The following NUDT3 variants were observed in gnomAD, a reference collection of about 807,000 sequenced individuals.
The protein encoded by NUDT3 is diphosphoinositol polyphosphate phosphohydrolase 1.
In NUDT3, 9 loss-of-function variants were observed where a neutral mutation model predicts 23.6. The ratio of observed to expected loss-of-function variants is 0.38; its 90% CI spans 0.23 to 0.66. NUDT3 has a LOEUF of 0.66. NUDT3 is among the 30% of genes least tolerant of loss of function. NUDT3 has a pLI of 0.52. For synonymous variants in NUDT3, 86 were observed against 82.6 expected (o/e 1.04, Z -0.22); for missense variants, 172 against 218.5 (o/e 0.79, Z 1.34).
intron 1 of NUDT3, among the ~76,000 whole-genome samples, chr6:34,380,298 C>T (rs1764992487): frequency 6.6e-6 from 1 of 151,926 alleles, no homozygotes; most frequent in Non-Finnish European, 1.5e-5. Flanking sequence ...GTGATCCACC[C>T]TCCTCGGCCT....
At chr6:34,327,801 C>G (rs983319941) in intron 2 of NUDT3, among the ~76,000 whole-genome samples, 3 of 152,104 alleles carry the variant, frequency 2.0e-5, no homozygotes, top group African/African-American at 7.2e-5. Context: ...CTTCCTTTCA[C>G]AGTCTGCTAA....
rs541403446 is a variant in NUDT3, at chr6:34,345,805, G to A, written c.100-3833C>T. Among the ~76,000 whole-genome samples, 8 of 151,736 alleles carry A rather than the reference G, an allele frequency of 5.3e-5. No homozygotes were observed. In the South Asian group the frequency reaches 1.7e-3, roughly 32 times the overall value. ...TGTTTTGAGACGGAGTTTTGCTCTT[G>A]TTGCCCAGGCTGGAGTGCAATGGCA... is the stretch of plus-strand genomic sequence containing the variant. On this transcript the variant is annotated intron_variant, in intron 1 of 4. Transcript: ENST00000607016.
chr6:34,348,842 A>T (rs1244149983), intron 1 of NUDT3, among the ~76,000 whole-genome samples: 1 of 151,090 alleles, frequency 6.6e-6, no homozygotes, highest in Non-Finnish European at 1.5e-5. Flanking sequence ...ATCATAATGG[A>T]GAAATGATAT....
intron 1 of NUDT3, among the ~76,000 whole-genome samples, chr6:34,379,434 C>G (rs762177241): frequency 5.3e-5 from 8 of 152,018 alleles, no homozygotes; most frequent in Non-Finnish European, 1.2e-4. Context: ...TTAGCAGGTG[C>G]CTGTAATCCC....
Position 34,281,396 on chromosome 6 carries a change from T to C in NUDT3, c.*7357A>G, listed in dbSNP as rs1763278083. ...ACCTAAGAAGGTGAGAGACACTAGC[T>C]TCAATTCCATTTTACAACAGTTCTC... On this transcript the variant is annotated 3_prime_UTR_variant, in exon 5 of 5. Transcript: ENST00000607016. 6.6e-6 allele frequency: 1 copy of C among 152,234 alleles called. No individual in the cohort carries two copies. 9.4% of individuals were successfully genotyped at this position (152,234 alleles called of 1,614,324 possible).
intron 1 of NUDT3, among the ~76,000 whole-genome samples, chr6:34,386,892 T>C (rs920331339): frequency 5.9e-5 from 9 of 152,156 alleles, no homozygotes; most frequent in East Asian, 1.9e-4. Flanking sequence ...AGGATGCAGA[T>C]TGCCTTAGTC....
chr6:34,331,207 G>A (rs1764122413), intron 2 of NUDT3, among the ~76,000 whole-genome samples: 2 of 151,964 alleles, frequency 1.3e-5, no homozygotes, highest in Non-Finnish European at 2.9e-5. Context: ...AGAGATAATT[G>A]AGCAGCTCTG....
chr6:34,301,668 G>C lies in NUDT3; in HGVS notation c.211-5983C>G, dbSNP rs558665513. ...AACTCAGAGCTAGCTGCAGACATCTGAATAGTCCAGCTGACACCAGAAGTT... is the reference window on the plus strand; with the variant it reads ...AACTCAGAGCTAGCTGCAGACATCTCAATAGTCCAGCTGACACCAGAAGTT... On this transcript the variant is annotated intron_variant, in intron 2 of 4. Coordinates refer to ENST00000607016, the MANE Select transcript of NUDT3 (RefSeq NM_006703.4). Among the ~76,000 whole-genome samples the C allele has an allele frequency of 5.9e-5, 9 of 152,352 alleles. No individual in the cohort carries two copies. In the South Asian group the frequency reaches 1.7e-3, roughly 28 times the overall value.
At position 34,285,965 on chromosome 6, in the gene NUDT3, C is replaced by T. The variant is rs1224257805; in HGVS notation, c.*2788G>A. 1.3e-5 allele frequency: 2 copies of T among 152,188 alleles called. No individual in the cohort carries two copies. The highest frequency in any genetic ancestry group is 4.8e-5 in the African/African-American group (2 of 41,440). 9.4% of individuals were successfully genotyped at this position (152,188 alleles called of 1,614,324 possible). On this transcript the variant is annotated 3_prime_UTR_variant, in exon 5 of 5. Coordinates refer to ENST00000607016, the MANE Select transcript of NUDT3 (RefSeq NM_006703.4). The stretch of plus-strand genomic sequence containing the variant: ...AGTTCACTTTCCTGACCCAAAGACA[C>T]CAACAACAATCAAAACTGCACTTTC...
chr6:34,345,052 T>C (rs761258375), intron 1 of NUDT3, among the ~76,000 whole-genome samples: 17 of 151,572 alleles, frequency 1.1e-4, no homozygotes, highest in Non-Finnish European at 2.5e-4. Flanking sequence ...TGTTTTGTTT[T>C]GTTTTGTTTC....
intron 2 of NUDT3, among the ~76,000 whole-genome samples, chr6:34,317,571 G>C (rs1313923077): frequency 6.6e-6 from 1 of 152,080 alleles, no homozygotes; most frequent in Non-Finnish European, 1.5e-5. Context: ...CCCCCCAACA[G>C]TATTTTGCTC....
intron 1 of NUDT3, among the ~76,000 whole-genome samples, chr6:34,372,048 C>T (rs140318607): frequency 6.6e-6 from 1 of 151,794 alleles, no homozygotes; most frequent in African/African-American, 2.4e-5. Context: ...CCAGCTTCAC[C>T]CGTGTCCCTA....
At chr6:34,385,324 A>G (rs1293461763) in intron 1 of NUDT3, among the ~76,000 whole-genome samples, 1 of 152,108 alleles carries the variant, frequency 6.6e-6, no homozygotes, top group Non-Finnish European at 1.5e-5. Context: ...ACAGTGGCTC[A>G]TGCCTATAAT....
intron 2 of NUDT3, among the ~76,000 whole-genome samples, chr6:34,329,168 G>A (rs143149355): frequency 2.0e-5 from 3 of 152,236 alleles, no homozygotes; most frequent in East Asian, 1.9e-4. Context: ...GATACCATAT[G>A]GAGCCTTCTG....
chr6:34,321,696 A>G (rs1343979814), intron 2 of NUDT3, among the ~76,000 whole-genome samples: 1 of 152,140 alleles, frequency 6.6e-6, no homozygotes, highest in African/African-American at 2.4e-5. Flanking sequence ...CAAGTCACTG[A>G]GCAGTACTAC....
rs1763292970 is a variant in NUDT3 at position 34,282,794 on chromosome 6, T to A, written c.*5959A>T. 1 of 152,090 alleles carries A rather than the reference T, an allele frequency of 6.6e-6. No individual in the cohort carries two copies. 9.4% of individuals were successfully genotyped at this position (152,090 alleles called of 1,614,324 possible). On this transcript the variant is annotated 3_prime_UTR_variant, in exon 5 of 5. Coordinates refer to ENST00000607016, the MANE Select transcript of NUDT3 (RefSeq NM_006703.4). ...CTATATCCAGGGTTTTAAATGACGCTTTTTTTGTGTGCTTCCTGATAGGAA... is the reference window on the plus strand; with the variant it reads ...CTATATCCAGGGTTTTAAATGACGCATTTTTTGTGTGCTTCCTGATAGGAA...
intron 1 of NUDT3, among the ~76,000 whole-genome samples, chr6:34,390,980 T>A (rs528335392): frequency 5.9e-5 from 9 of 152,180 alleles, no homozygotes; most frequent in Admixed American, 2.0e-4. Context: ...TTTTACAATA[T>A]ATGGTAGGAT....
In NUDT3 at chr6:34,281,840, AT is replaced by A. The variant is rs1763284249; in HGVS notation, c.*6912del. The A allele has an allele frequency of 6.6e-6, 1 of 152,136 alleles. No homozygotes were observed. Among genetic ancestry groups the A allele is most frequent in the African/African-American group, 2.4e-5 (1 of 41,416 alleles). 9.4% of individuals were successfully genotyped at this position (152,136 alleles called of 1,614,324 possible). A position where few individuals can be genotyped will look rare whatever the true frequency, so the allele number is the denominator to read the frequency against. ...GCAAACATGCTCCCAGTCACGAGGG[AT>A]GGGGTGAGCGGGCAGGTTTCTGTCT... On this transcript the variant is annotated 3_prime_UTR_variant, in exon 5 of 5. Transcript: ENST00000607016.
At chr6:34,374,572 G>A (rs1376475848) in intron 1 of NUDT3, among the ~76,000 whole-genome samples, 2 of 152,050 alleles carry the variant, frequency 1.3e-5, no homozygotes, top group African/African-American at 2.4e-5. Flanking sequence ...TATTGGAGTA[G>A]CAGCAAATTT....
Sources: allele counts gnomAD v4.1 joint callset (sites outside exome capture counted in the v4.1 genomes callset), GRCh38; gene constraint gnomAD v4.1.1; transcripts MANE v1.5; gene names NCBI Gene and HGNC (gene_info 2026-07-23, HGNC 2026-07-21).